The following DPYD variants were observed in gnomAD, a reference collection of about 807,000 sequenced individuals.
DPYD encodes the protein dihydropyrimidine dehydrogenase, also known as dihydropyrimidine dehydrogenase [NADP(+)].
Under a neutral mutation model 116.2 loss-of-function variants are expected in DPYD, and 109 were observed. That is an observed-to-expected ratio of 0.94 (90% confidence interval 0.80 to 1.10). The LOEUF (loss-of-function observed/expected upper bound fraction) is 1.10, where lower values mean the gene tolerates loss of function less well. DPYD is among the 50% of genes least tolerant of loss of function. The pLI is 0.00. For synonymous variants in DPYD, 440 were observed against 432.0 expected (o/e 1.02, Z -0.23); for missense variants, 1,302 against 1,254.5 (o/e 1.04, Z -0.57).
intron 20 of DPYD, among the ~76,000 whole-genome samples, chr1:97,109,275 C>T (rs536889222): frequency 3.9e-5 from 6 of 152,186 alleles, no homozygotes; most frequent in Non-Finnish European, 7.4e-5. Flanking sequence ...GATGTGAGTG[C>T]TCTGAATTAT....
At chr1:97,476,234 AC>A (rs1677954434) in intron 13 of DPYD, among the ~76,000 whole-genome samples, 1 of 152,212 alleles carries the variant, frequency 6.6e-6, no homozygotes, top group Non-Finnish European at 1.5e-5. Flanking sequence ...CTTTTTAAAG[AC>A]AAATAAACTT....
chr1:97,736,416 C>A (rs1663944278), intron 4 of DPYD, among the ~76,000 whole-genome samples: 1 of 150,184 alleles, frequency 6.7e-6, no homozygotes. Context: ...AAAAAAAAAA[C>A]CCTTTCTGAA....
chr1:97,712,868 A>T (rs879259397), intron 5 of DPYD, among the ~76,000 whole-genome samples: 2 of 151,884 alleles, frequency 1.3e-5, no homozygotes, highest in African/African-American at 2.4e-5. Flanking sequence ...AGTTGCACCT[A>T]TTTTTTATTA....
intron 12 of DPYD, among the ~76,000 whole-genome samples, chr1:97,527,183 A>G (rs1044734384): frequency 1.3e-5 from 2 of 150,860 alleles, no homozygotes; most frequent in Admixed American, 1.3e-4. Context: ...GGTTCACGCC[A>G]TTTTCCTGTC....
intron 8 of DPYD, among the ~76,000 whole-genome samples, chr1:97,628,482 T>C (rs1389803465): frequency 6.6e-6 from 1 of 152,098 alleles, no homozygotes; most frequent in Admixed American, 6.6e-5. Context: ...TGGCATCATA[T>C]ATATTTTGCC....
chr1:97,497,825 T>A (rs1679355523), intron 13 of DPYD, among the ~76,000 whole-genome samples: 1 of 151,752 alleles, frequency 6.6e-6, no homozygotes. Flanking sequence ...ACTCCACTCC[T>A]AACTATATTC....
At chr1:97,781,416 G>A (rs1024065041) in intron 3 of DPYD, among the ~76,000 whole-genome samples, 5 of 152,072 alleles carry the variant, frequency 3.3e-5, no homozygotes, top group African/African-American at 1.2e-4. Context: ...ATCCATTCTT[G>A]TATGTCTACA....
chr1:97,714,276 C>T (rs930060639), intron 5 of DPYD, among the ~76,000 whole-genome samples: 1 of 151,992 alleles, frequency 6.6e-6, no homozygotes, highest in Non-Finnish European at 1.5e-5. Flanking sequence ...TGTAGTGGCG[C>T]AATCTCGGCT....
intron 7 of DPYD, 36 bp from the exon 8 acceptor site, chr1:97,679,218 C>T (rs1261786912): frequency 8.6e-7 from 1 of 1,158,446 alleles, no homozygotes; most frequent in Non-Finnish European, 1.3e-6. Context: ...GAAAATTTGG[C>T]ATATGATTAA....
chr1:97,595,025 C>T, intron 9 of DPYD, 34 bp downstream of exon 9: 1 of 1,414,778 alleles, frequency 7.1e-7, no homozygotes, highest in Non-Finnish European at 9.9e-7. Context: ...AAATAGCATA[C>T]TCACTATTAA....
intron 20 of DPYD, among the ~76,000 whole-genome samples, chr1:97,161,633 C>T (rs957213898): frequency 3.3e-5 from 5 of 151,208 alleles, no homozygotes; most frequent in Non-Finnish European, 7.4e-5. Context: ...AGGTTAGTTA[C>T]ATATGTATAC....
intron 16 of DPYD, among the ~76,000 whole-genome samples, chr1:97,311,190 T>C (rs1667494953): frequency 6.6e-6 from 1 of 151,696 alleles, no homozygotes; most frequent in Admixed American, 6.6e-5. Flanking sequence ...GATATTAAAA[T>C]TAAAATGTTA....
intron 10 of DPYD, among the ~76,000 whole-genome samples, chr1:97,582,273 C>T (rs1273589133): frequency 6.6e-6 from 1 of 152,182 alleles, no homozygotes; most frequent in East Asian, 1.9e-4. Context: ...AAGATAGAAC[C>T]TGAGGAAATC....
At chr1:97,495,090 G>T (rs968007559) in intron 13 of DPYD, among the ~76,000 whole-genome samples, 1 of 152,118 alleles carries the variant, frequency 6.6e-6, no homozygotes, top group African/African-American at 2.4e-5. Context: ...AGGTTCCAAA[G>T]GGACAAATAT....
chr1:97,442,581 T>C (rs1675860566), intron 14 of DPYD, among the ~76,000 whole-genome samples: 1 of 151,968 alleles, frequency 6.6e-6, no homozygotes, highest in Non-Finnish European at 1.5e-5. Context: ...AGTGTTTTAA[T>C]GAGAAGCTGT....
At chr1:97,672,843 G>A (rs1331699003) in intron 8 of DPYD, among the ~76,000 whole-genome samples, 1 of 151,998 alleles carries the variant, frequency 6.6e-6, no homozygotes. Context: ...TCTCTCGATG[G>A]ATTTTTTAAA....
chr1:97,135,762 T>C (rs1165283587), intron 20 of DPYD, among the ~76,000 whole-genome samples: 1 of 152,178 alleles, frequency 6.6e-6, no homozygotes, highest in Non-Finnish European at 1.5e-5. Context: ...GGGTACTCAA[T>C]AGCTAAATTG....
At chr1:97,281,990 G>C (rs1275434237) in intron 18 of DPYD, among the ~76,000 whole-genome samples, 3 of 151,936 alleles carry the variant, frequency 2.0e-5, no homozygotes, top group African/African-American at 7.3e-5. Flanking sequence ...TAAGTTATTG[G>C]CTTTTTTCCA....
At chr1:97,339,599 A>G (rs1669492328) in intron 16 of DPYD, among the ~76,000 whole-genome samples, 7 of 152,194 alleles carry the variant, frequency 4.6e-5, no homozygotes, top group Admixed American at 4.6e-4. Context: ...CCACCCATGT[A>G]CTGATATCTT....
Sources: gnomAD v4.1 joint callset for allele counts (sites outside exome capture counted in the v4.1 genomes callset) on GRCh38, gnomAD v4.1.1 for gene constraint, MANE v1.5 for transcripts, NCBI Gene and HGNC (gene_info 2026-07-23, HGNC 2026-07-21) for gene names.